Variants in CDH18 observed in about 807,000 individuals in gnomAD.
CDH18 encodes the protein cadherin-18.
A neutral mutation model predicts 67.9 loss-of-function variants in CDH18; 31 were observed. That is an observed-to-expected ratio of 0.46 (90% CI 0.34 to 0.62). The LOEUF (loss-of-function observed/expected upper bound fraction) is 0.62. Among genes scored for constraint, CDH18 ranks in the 20% least tolerant of loss-of-function variants. CDH18 has a pLI of 0.01. For missense variants in CDH18, 890 were observed against 975.5 expected, an observed-to-expected ratio of 0.91 and a Z score of 1.17; for synonymous variants, 362 against 347.2, an observed-to-expected ratio of 1.04 and a Z score of -0.48.
chr5:19,673,505 A>C (rs1018911495), intron 5 of CDH18, among the ~76,000 whole-genome samples: 1 of 152,056 alleles, frequency 6.6e-6, no homozygotes, highest in Non-Finnish European at 1.5e-5. Flanking sequence ...TCTTTAAAGT[A>C]AACTAACGTA....
At chr5:20,195,778 G>T (rs1207147044) in intron 2 of CDH18, among the ~76,000 whole-genome samples, 1 of 151,884 alleles carries the variant, frequency 6.6e-6, no homozygotes, top group Admixed American at 6.6e-5. Context: ...ATTCTCAAGG[G>T]ATTTGTATAC....
chr5:20,394,029 C>G (rs1172220600), intron 1 of CDH18, among the ~76,000 whole-genome samples: 1 of 151,946 alleles, frequency 6.6e-6, no homozygotes, highest in Non-Finnish European at 1.5e-5. Flanking sequence ...AAATTAACAA[C>G]ATCATTTTTA....
intron 1 of CDH18, among the ~76,000 whole-genome samples, chr5:20,279,730 C>CAAAAAAAAAAAAAAAAAA (rs1309866477): frequency 4.0e-4 from 27 of 66,678 alleles, no homozygotes; most frequent in Non-Finnish European, 5.5e-4. Context: ...AAAAAAAAAG[C>CAAAAAAAAAAAAAAAAAA]AAAAACTGTA....
intron 2 of CDH18, among the ~76,000 whole-genome samples, chr5:20,204,658 A>G (rs1739733508): frequency 6.6e-6 from 1 of 152,056 alleles, no homozygotes; most frequent in African/African-American, 2.4e-5. Flanking sequence ...GAAGCCTAAA[A>G]GAGAAACCTA....
intron 11 of CDH18, among the ~76,000 whole-genome samples, chr5:19,487,448 G>C (rs906711827): frequency 3.3e-5 from 5 of 152,092 alleles, no homozygotes; most frequent in African/African-American, 1.2e-4. Flanking sequence ...AGAAGACTTT[G>C]AGACCTTAAA....
intron 1 of CDH18, among the ~76,000 whole-genome samples, chr5:20,333,231 G>A (rs1024901399): frequency 2.6e-5 from 4 of 151,938 alleles, no homozygotes; most frequent in Non-Finnish European, 4.4e-5. Flanking sequence ...TCATGTGGCC[G>A]GGCATGGTGG....
chr5:20,213,725 A>C (rs1281897854), intron 2 of CDH18, among the ~76,000 whole-genome samples: 1 of 152,060 alleles, frequency 6.6e-6, no homozygotes, highest in South Asian at 2.1e-4. Context: ...CTGTGGGGTC[A>C]GTGGTAATAT....
intron 1 of CDH18, among the ~76,000 whole-genome samples, chr5:20,426,570 T>C (rs1430482153): frequency 1.3e-5 from 2 of 151,102 alleles, no homozygotes; most frequent in African/African-American, 4.9e-5. Context: ...CACACATACA[T>C]ATATGAATAA....
intron 2 of CDH18, among the ~76,000 whole-genome samples, chr5:20,079,941 G>A (rs1005196935): frequency 2.6e-5 from 4 of 152,064 alleles, no homozygotes; most frequent in African/African-American, 9.7e-5. Flanking sequence ...AAGTTCTCTT[G>A]TCTCTCCCTA....
intron 1 of CDH18, among the ~76,000 whole-genome samples, chr5:20,302,722 GAGAATGCGCTACGCACTGAAGATC>G (rs2149970697): frequency 6.6e-6 from 1 of 152,342 alleles, no homozygotes; most frequent in South Asian, 2.1e-4. Context: ...TTTTCTAAAT[GAGAATGCGCTACGCACTGAAGATC>G]AGAACACACA....
At chr5:20,572,641 A>G (rs755975857) in intron 1 of CDH18, among the ~76,000 whole-genome samples, 9 of 152,130 alleles carry the variant, frequency 5.9e-5, no homozygotes, top group Admixed American at 1.3e-4. Context: ...AAAAATAGGG[A>G]AAACACTTCA....
At chr5:20,078,882 C>G (rs950375976) in intron 2 of CDH18, among the ~76,000 whole-genome samples, 2 of 152,170 alleles carry the variant, frequency 1.3e-5, no homozygotes, top group African/African-American at 2.4e-5. Flanking sequence ...TCCCAAAGTG[C>G]TGGGATTACA....
chr5:19,821,327 C>G (rs917727583), intron 3 of CDH18, among the ~76,000 whole-genome samples: 17 of 151,304 alleles, frequency 1.1e-4, no homozygotes, highest in Admixed American at 2.0e-4. Flanking sequence ...CAACAATAGA[C>G]TAGACCAAGC....
intron 5 of CDH18, among the ~76,000 whole-genome samples, chr5:19,671,957 T>C (rs1758809571): frequency 6.6e-6 from 1 of 152,128 alleles, no homozygotes; most frequent in African/African-American, 2.4e-5. Flanking sequence ...GAACAATTCC[T>C]AGGTATTCAC....
intron 2 of CDH18, among the ~76,000 whole-genome samples, chr5:19,979,024 G>A (rs1418933887): frequency 6.6e-6 from 1 of 152,128 alleles, no homozygotes; most frequent in East Asian, 1.9e-4. Flanking sequence ...ACATTAATAT[G>A]TTTGAAGTAT....
intron 2 of CDH18, among the ~76,000 whole-genome samples, chr5:19,979,944 G>A (rs1798871664): frequency 6.6e-6 from 1 of 152,134 alleles, no homozygotes; most frequent in Non-Finnish European, 1.5e-5. Flanking sequence ...ACATAGTACT[G>A]GAAGTCCTAG....
At chr5:19,847,568 A>G (rs1267608240) in intron 2 of CDH18, among the ~76,000 whole-genome samples, 1 of 151,978 alleles carries the variant, frequency 6.6e-6, no homozygotes, top group Non-Finnish European at 1.5e-5. Context: ...TATATTTCAT[A>G]TACTTCCATT....
chr5:20,127,821 G>A (rs1748955270), intron 2 of CDH18, among the ~76,000 whole-genome samples: 2 of 151,986 alleles, frequency 1.3e-5, no homozygotes, highest in African/African-American at 2.4e-5. Context: ...AAAAGCATTT[G>A]GAAGTAAATA....
intron 2 of CDH18, among the ~76,000 whole-genome samples, chr5:19,944,499 A>G (rs1795113269): frequency 6.6e-6 from 1 of 152,132 alleles, no homozygotes; most frequent in Non-Finnish European, 1.5e-5. Context: ...AGAGATATAA[A>G]TCTTCAACTC....
Sources: allele counts gnomAD v4.1 joint callset (sites outside exome capture counted in the v4.1 genomes callset), GRCh38; gene constraint gnomAD v4.1.1; transcripts MANE v1.5; gene names NCBI Gene and HGNC (gene_info 2026-07-23, HGNC 2026-07-21).